TRIM46: variants seen among roughly 807,000 people sequenced by gnomAD.
The protein encoded by TRIM46 is tripartite motif-containing protein 46.
TRIM46 carries 17 observed loss-of-function variants against 69.7 expected under a neutral mutation model. The ratio of observed to expected loss-of-function variants is 0.24; its 90% CI spans 0.17 to 0.37. TRIM46 has a LOEUF of 0.37. Ranked by LOEUF, TRIM46 falls within the 10% of genes least tolerant of loss-of-function variation. The probability of loss-of-function intolerance (pLI) is 1.00; values close to 1 mark genes in which losing one functional copy is unlikely to be tolerated. For missense variants in TRIM46, 675 were observed against 1,025.1 expected, an observed-to-expected ratio of 0.66 and a Z score of 4.66; for synonymous variants, 391 against 429.0, an observed-to-expected ratio of 0.91 and a Z score of 1.09.
At position 155,183,747 on chromosome 1, in the gene TRIM46, T is replaced by C. The variant is rs374546985; in HGVS notation, c.1887-50T>C. 4.4e-6 allele frequency: 7 copies of C among 1,589,004 alleles called. No homozygotes were observed. The African/African-American group carries it at 9.4e-5, about 21-fold the overall frequency. ...TCCAGCGTCTCCCTCTGGTACCTCA[T>C]CCGTCACTCCATCCCTCAACAATCT... On this transcript the variant is annotated intron_variant, in intron 9 of 9. Coordinates refer to ENST00000334634, the MANE Select transcript of TRIM46 (RefSeq NM_025058.5).
chr1:155,182,647 C>T (rs1395978973), intron 9 of TRIM46: 2 of 171,926 alleles, frequency 1.2e-5, no homozygotes, highest in Non-Finnish European at 2.5e-5. Flanking sequence ...TCGAGACCAG[C>T]TTGACCAACA....
At position 155,175,209 on chromosome 1, in the gene TRIM46, A is replaced by G. The variant is rs1364914627; in HGVS notation, c.64-177A>G. 6.8e-7 allele frequency: 1 copy of G among 1,473,888 alleles called. No homozygotes were observed. The highest frequency in any genetic ancestry group is 1.4e-5 in the African/African-American group (1 of 70,552). 91.3% of individuals were successfully genotyped at this position (1,473,888 alleles called of 1,614,324 possible). ...AGCTCTGCAGCGGGGAAAGAGAAGC[A>G]AGGGACAGAGGTCTGGGAAGGTCTG... On this transcript the variant is annotated intron_variant, in intron 1 of 9. Transcript: ENST00000334634. The surrounding 1 kb of genome is among the most constrained non-coding windows in gnomAD (Gnocchi z 4.2).
Position 155,175,035 on chromosome 1 carries a change from G to C in TRIM46, c.64-351G>C, listed in dbSNP as rs1046597099. The stretch of plus-strand genomic sequence containing the variant: ...GAGCTGCAGAATGGGCGGTGTCCTT[G>C]AGAAAAATGCCAGGGGCAAGCTGCC... On this transcript the variant is annotated intron_variant, in intron 1 of 9. Coordinates refer to ENST00000334634, the MANE Select transcript of TRIM46 (RefSeq NM_025058.5). The surrounding 1 kb of genome is among the most constrained non-coding windows in gnomAD (Gnocchi z 4.2). The C allele has an allele frequency of 1.5e-6, 2 of 1,369,704 alleles. No homozygotes were observed. Among genetic ancestry groups the C allele is most frequent in the South Asian group, 1.9e-5 (1 of 53,718 alleles). The allele number at this position is 1,369,704 out of a possible 1,614,324, so 84.8% of individuals were successfully genotyped here. A position where few individuals can be genotyped will look rare whatever the true frequency, so the allele number is the denominator to read the frequency against.
chr1:155,177,957 G>C (rs1257860433), intron 5 of TRIM46, 45 bp from the exon 6 acceptor site: 21 of 1,594,212 alleles, frequency 1.3e-5, no homozygotes, highest in Non-Finnish European at 1.8e-5. Context: ...CCTCCAAAAA[G>C]AAGATAGTAA....
Position 155,175,786 on chromosome 1 carries a change from G to A in TRIM46, c.326-102G>A. 1 of 1,573,172 alleles carries A rather than the reference G, an allele frequency of 6.4e-7. No homozygotes were observed. The highest frequency in any genetic ancestry group is 8.7e-7 in the Non-Finnish European group (1 of 1,153,740). On this transcript the variant is annotated intron_variant, in intron 2 of 9. Coordinates refer to ENST00000334634, the MANE Select transcript of TRIM46 (RefSeq NM_025058.5). The surrounding 1 kb of genome is among the most constrained non-coding windows in gnomAD (Gnocchi z 4.2). Reference sequence around the variant, plus strand: ...ACTGCTTACGCAGGCTCTAATGAGAGCTGAGCTCTGGCACAATGAAAATCT... The same window carrying A: ...ACTGCTTACGCAGGCTCTAATGAGAACTGAGCTCTGGCACAATGAAAATCT...
At chr1:155,174,514 G>C (rs1311049452) in intron 1 of TRIM46, 1 of 1,434,108 alleles carries the variant, frequency 7.0e-7, no homozygotes, top group East Asian at 2.7e-5. Context: ...ATGGCAACCC[G>C]TGCCTGGCTC....
intron 7 of TRIM46, among the ~76,000 whole-genome samples, chr1:155,179,414 G>T (rs1665966088): frequency 6.6e-6 from 1 of 152,226 alleles, no homozygotes; most frequent in South Asian, 2.1e-4. Flanking sequence ...TAGCACACAG[G>T]TGTCCTGACC....
At chr1:155,178,452 C>T (rs1367400508) in intron 6 of TRIM46, 40 bp from the exon 7 acceptor site, 3 of 1,612,130 alleles carry the variant, frequency 1.9e-6, no homozygotes, top group Non-Finnish European at 2.5e-6. Flanking sequence ...GGGAGACTGC[C>T]CACATGGCAG....
In TRIM46 at chr1:155,183,978, C is replaced by T. The variant is rs207460455; in HGVS notation, c.2068C>T (p.Arg690Cys). 3.1e-6 allele frequency: 5 copies of T among 1,613,938 alleles called. No homozygotes were observed. The highest frequency in any genetic ancestry group is 1.3e-5 in the African/African-American group (1 of 74,944). ...CGGCTGCACAGTGCCCCTGCCACCC[C>T]GCCTGGGCATCTGCCTGGACTATGA... ...TAGCTVPLPPRLGICLDYERG... is the reference protein window; with the variant it reads ...TAGCTVPLPPCLGICLDYERG... Residue 690 changes from arginine to cysteine, a missense_variant, in exon 10 of 10, where the codon CGC (arginine) becomes TGC (cysteine). Arg to Cys is a radical substitution (Grantham distance 180, BLOSUM62 -3). Transcript: ENST00000334634.
chr1:155,177,324 T>C, intron 5 of TRIM46, 34 bp downstream of exon 5: 1 of 1,572,338 alleles, frequency 6.4e-7, no homozygotes, highest in Non-Finnish European at 8.8e-7. Context: ...CCCTGGGCCC[T>C]GCCTGGGAGT....
rs761030028 is a variant in TRIM46 at position 155,175,664 on chromosome 1, T to C, written c.325+17T>C. ...TTAAGTCAGGTGGGACTGGGGCCTG[T>C]AGGGTGGGGATGGGAACGCTGAGCT... On this transcript the variant is annotated intron_variant, in intron 2 of 9. Coordinates refer to ENST00000334634, the MANE Select transcript of TRIM46 (RefSeq NM_025058.5). This position sits in a 1 kb window ranked among gnomAD's most constrained non-coding sequence, Gnocchi z 4.2. The C allele has an allele frequency of 1.2e-6, 2 of 1,612,950 alleles. No individual in the cohort carries two copies. Among genetic ancestry groups the C allele is most frequent in the Non-Finnish European group, 8.5e-7 (1 of 1,179,896 alleles).
Position 155,175,737 on chromosome 1 carries a change from T to C in TRIM46, c.325+90T>C, listed in dbSNP as rs907556744. 3 of 1,602,572 alleles carry C rather than the reference T, an allele frequency of 1.9e-6. No homozygotes were observed. Among genetic ancestry groups the C allele is most frequent in the Non-Finnish European group, 2.6e-6 (3 of 1,173,716 alleles). ...GTCCATCACTGGTCAGAGGCATCTG[T>C]CTGTCTTTCTGGGGGGTGGAGATAC... On this transcript the variant is annotated intron_variant, in intron 2 of 9. Transcript: ENST00000334634. The surrounding 1 kb of genome is among the most constrained non-coding windows in gnomAD (Gnocchi z 4.2).
In TRIM46 at chr1:155,178,125, C is replaced by T. The variant is rs939722032; in HGVS notation, c.1033C>T (p.Arg345Cys). Residue 345 changes from arginine to cysteine, a missense_variant, in exon 6 of 10, where the codon CGT (arginine) becomes TGT (cysteine). Physicochemically the swap from Arg to Cys is radical, Grantham distance 180. Coordinates refer to ENST00000334634, the MANE Select transcript of TRIM46 (RefSeq NM_025058.5). ...AGAATGCCAGCAGGAGCGGCTGGCC[C>T]GTCTCAGCGCCCAGATCCAGGAGCA... ...IEECQQERLA[R>C]LSAQIQEHRS... is the part of the protein sequence containing the mutation. The T allele has an allele frequency of 5.9e-5, 96 of 1,614,002 alleles. No individual in the cohort carries two copies. Among genetic ancestry groups the T allele is most frequent in the Non-Finnish European group, 7.6e-5 (90 of 1,179,996 alleles).
chr1:155,183,615 C>G (rs947281393), intron 9 of TRIM46, among the ~76,000 whole-genome samples, 182 bp from the exon 10 acceptor site: 1 of 152,152 alleles, frequency 6.6e-6, no homozygotes, highest in Non-Finnish European at 1.5e-5. Context: ...CTCTTTCCAC[C>G]AAACCCAAAC....
At position 155,175,213 on chromosome 1, in the gene TRIM46, G is replaced by C; in HGVS notation, c.64-173G>C. On this transcript the variant is annotated intron_variant, in intron 1 of 9. Coordinates refer to ENST00000334634, the MANE Select transcript of TRIM46 (RefSeq NM_025058.5). The surrounding 1 kb of genome is among the most constrained non-coding windows in gnomAD (Gnocchi z 4.2). Reference sequence around the variant, plus strand: ...CTGCAGCGGGGAAAGAGAAGCAAGGGACAGAGGTCTGGGAAGGTCTGTGAA... The same window carrying C: ...CTGCAGCGGGGAAAGAGAAGCAAGGCACAGAGGTCTGGGAAGGTCTGTGAA... 2 of 1,485,014 alleles carry C rather than the reference G, an allele frequency of 1.3e-6. No individual in the cohort carries two copies. Among genetic ancestry groups the C allele is most frequent in the Non-Finnish European group, 1.8e-6 (2 of 1,128,418 alleles). 92.0% of individuals were successfully genotyped at this position (1,485,014 alleles called of 1,614,324 possible).
At position 155,182,454 on chromosome 1, in the gene TRIM46, A is replaced by G. The variant is rs1666237117; in HGVS notation, c.1886+305A>G. On this transcript the variant is annotated intron_variant, in intron 9 of 9. Transcript: ENST00000334634. ...TCTGGATCAACACACCATCTCTCCA[A>G]GCATCTGTGTCCTTTCTTCCTAACA... The G allele has an allele frequency of 1.1e-5, 6 of 541,376 alleles. No homozygotes were observed. In the East Asian group the frequency reaches 1.8e-4, roughly 16 times the overall value. 33.5% of individuals were successfully genotyped at this position (541,376 alleles called of 1,614,324 possible).
Position 155,184,385 on chromosome 1 carries a change from GC to G in TRIM46, c.*200del. The G allele has an allele frequency of 1.6e-6, 1 of 638,158 alleles. No homozygotes were observed. The highest frequency in any genetic ancestry group is 3.2e-5 in the Admixed American group (1 of 31,506). The allele number at this position is 638,158 out of a possible 1,614,324, so 39.5% of individuals were successfully genotyped here. On this transcript the variant is annotated 3_prime_UTR_variant, in exon 10 of 10. Coordinates refer to ENST00000334634, the MANE Select transcript of TRIM46 (RefSeq NM_025058.5). This position sits in a 1 kb window ranked among gnomAD's most constrained non-coding sequence, Gnocchi z 5.6. ...TCTCTTCTGCCCACCTCTCTGGATG[GC>G]CCCCGTTCTCTCCATTGCTTGTTAG...
chr1:155,175,293 C>T lies in TRIM46; in HGVS notation c.64-93C>T. ...TGCAGGTAGCTTGTCTTGCTCCTTC[C>T]TCAGACCCCTAGGGTATCCAAGGGC... On this transcript the variant is annotated intron_variant, in intron 1 of 9. Coordinates refer to ENST00000334634, the MANE Select transcript of TRIM46 (RefSeq NM_025058.5). This position sits in a 1 kb window ranked among gnomAD's most constrained non-coding sequence, Gnocchi z 4.2. 7.6e-6 allele frequency: 12 copies of T among 1,572,368 alleles called. No individual in the cohort carries two copies. Among genetic ancestry groups the T allele is most frequent in the Non-Finnish European group, 1.0e-5 (12 of 1,166,550 alleles).
In TRIM46 at chr1:155,182,107, T is replaced by G; in HGVS notation, c.1844T>G (p.Leu615Arg). 6.2e-7 allele frequency: 1 copy of G among 1,614,144 alleles called. No individual in the cohort carries two copies. The highest frequency in any genetic ancestry group is 8.5e-7 in the Non-Finnish European group (1 of 1,180,016). Residue 615 changes from leucine to arginine, a missense_variant, in exon 9 of 10, where the codon CTT (leucine) becomes CGT (arginine). Around this residue, in one of 5 missense-constraint regions of TRIM46, gnomAD observed 35 missense variants for 99.3 expected, o/e 0.35. Transcript: ENST00000334634. ...GTGGGCGTCGGGCTGGAGAGCAAGC[T>G]TCAAGAAAGTTTCCAGGGTGCCCCC... ...VKVGVGLESK[L>R]QESFQGAPDV...
Sources: allele counts gnomAD v4.1 joint callset (sites outside exome capture counted in the v4.1 genomes callset), GRCh38; gene constraint gnomAD v4.1.1; regional missense constraint gnomAD v4.1.1; non-coding constraint Gnocchi (gnomAD v3.1); transcripts MANE v1.5; gene names NCBI Gene and HGNC (gene_info 2026-07-23, HGNC 2026-07-21).